DNAH6: variants seen among roughly 807,000 people sequenced by gnomAD.
DNAH6 encodes the protein dynein axonemal heavy chain 6.
DNAH6 carries 340 observed loss-of-function variants against 491.4 expected under a neutral mutation model. The ratio of observed to expected loss-of-function variants is 0.69; its 90% confidence interval spans 0.63 to 0.76. The LOEUF (loss-of-function observed/expected upper bound fraction) is 0.76, where lower values mean the gene tolerates loss of function less well. Among genes scored for constraint, DNAH6 ranks in the 30% least tolerant of loss-of-function variants. The pLI is 0.00. For synonymous variants in DNAH6, 1,603 were observed against 1,686.1 expected (o/e 0.95, Z 1.21); for missense variants, 4,443 against 4,972.2 (o/e 0.89, Z 3.20).
chr2:84,641,969 G>T lies in DNAH6; in HGVS notation c.4993G>T (p.Asp1665Tyr). ...TAGATCTTTAAAAAGAGAAAACCCA[G>T]ACCTAAATGAAGATGTGGTGTTGAT... ...MAGSLKRENPDLNEDVVLIRA... is the reference protein window; with the variant it reads ...MAGSLKRENPYLNEDVVLIRA... The change falls in exon 33 of 77, where the codon GAC becomes TAC. Residue 1665 changes from aspartate (D) to tyrosine (Y), a missense_variant. By Grantham distance (160) the Asp-to-Tyr change is radical. Coordinates refer to ENST00000389394, the MANE Select transcript of DNAH6 (RefSeq NM_001370.2). The T allele has an allele frequency of 6.4e-7, 1 of 1,550,516 alleles. No homozygotes were observed. The highest frequency in any genetic ancestry group is 1.2e-5 in the South Asian group (1 of 83,950).
In DNAH6 at chr2:84,634,626, C is replaced by A; in HGVS notation, c.4638C>A (p.Asn1546Lys). 2 of 1,536,094 alleles carry A rather than the reference C, an allele frequency of 1.3e-6. No individual in the cohort carries two copies. Among genetic ancestry groups the A allele is most frequent in the Non-Finnish European group, 1.8e-6 (2 of 1,141,318 alleles). The change falls in exon 30 of 77, where the codon AAC (asparagine) becomes AAA (lysine). Residue 1546 changes from asparagine to lysine, a missense_variant. Physicochemically the swap from Asn to Lys is moderately conservative, Grantham distance 94. Around this residue, in one of 3 missense-constraint regions of DNAH6, gnomAD observed 2,977 missense variants for 3,296.6 expected, o/e 0.90. Coordinates refer to ENST00000389394, the MANE Select transcript of DNAH6 (RefSeq NM_001370.2). ...CGCAGCAACTCATTACCATTAGGAA[C>A]GCCAAAGCGGCAAAGGTAAGGCACT... ...VIAQQLITIR[N>K]AKAAKLSRFM...
intron 76 of DNAH6, 123 bp downstream of exon 76, chr2:84,816,206 G>T: frequency 1.5e-6 from 1 of 685,774 alleles, no homozygotes; most frequent in South Asian, 2.1e-5. Context: ...TTAAAATGAA[G>T]CCACCTATAA....
At chr2:84,591,079 T>C (rs1318614206) in intron 16 of DNAH6, among the ~76,000 whole-genome samples, 1 of 152,206 alleles carries the variant, frequency 6.6e-6, no homozygotes, top group African/African-American at 2.4e-5. Context: ...CAGGGGAAGA[T>C]TTGAAGTGGC....
chr2:84,606,040 C>T (rs1685727348), intron 20 of DNAH6, among the ~76,000 whole-genome samples: 1 of 152,160 alleles, frequency 6.6e-6, no homozygotes, highest in African/African-American at 2.4e-5. Context: ...GCTAAATTCA[C>T]TTGAGTTTAT....
intron 37 of DNAH6, among the ~76,000 whole-genome samples, chr2:84,662,640 G>T (rs889208696): frequency 1.3e-5 from 2 of 152,208 alleles, no homozygotes; most frequent in Non-Finnish European, 2.9e-5. Flanking sequence ...ACAGCTCAAG[G>T]AGGCCTACCT....
the DNAH6 span, among the ~76,000 whole-genome samples, chr2:84,463,775 T>G: frequency 6.6e-6 from 1 of 152,210 alleles, no homozygotes; most frequent in East Asian, 1.9e-4. Context: ...TGAGTTTCAA[T>G]CTGTTGGAGC....
At chr2:84,485,662 G>C in the DNAH6 span, among the ~76,000 whole-genome samples, 1 of 151,980 alleles carries the variant, frequency 6.6e-6, no homozygotes, top group Non-Finnish European at 1.5e-5. Context: ...CAATATTGGA[G>C]ATTTACACCC....
intron 2 of DNAH6, among the ~76,000 whole-genome samples, chr2:84,519,791 A>T (rs1024936868): frequency 1.3e-5 from 2 of 151,636 alleles, no homozygotes; most frequent in Admixed American, 6.6e-5. Context: ...TCTAACATTG[A>T]TGACATCTAG....
chr2:84,528,265 C>A (rs1423617263), intron 3 of DNAH6, among the ~76,000 whole-genome samples: 2 of 152,140 alleles, frequency 1.3e-5, no homozygotes, highest in African/African-American at 4.8e-5. Context: ...AGGTTCCACC[C>A]TAGCTGTACT....
At chr2:84,581,759 T>C (rs1229415433) in intron 14 of DNAH6, among the ~76,000 whole-genome samples, 1 of 152,154 alleles carries the variant, frequency 6.6e-6, no homozygotes, top group African/African-American at 2.4e-5. Flanking sequence ...TTTTCAAAGA[T>C]AGGAGAGAAT....
chr2:84,683,439 T>TTTTTA (rs1693999270), intron 42 of DNAH6, among the ~76,000 whole-genome samples: 3 of 95,304 alleles, frequency 3.1e-5, no homozygotes, highest in South Asian at 3.9e-4. Context: ...TTTTTTTTTT[T>TTTTTA]GAGATAGAGT....
chr2:84,710,144 C>T (rs929353766), intron 55 of DNAH6, 143 bp from the exon 56 acceptor site: 11 of 1,049,428 alleles, frequency 1.0e-5, no homozygotes, highest in Middle Eastern at 2.3e-4. Context: ...TCTTTATTGT[C>T]GGGGGACAGG....
chr2:84,592,371 A>T (rs1317609381), intron 16 of DNAH6, among the ~76,000 whole-genome samples: 1 of 152,190 alleles, frequency 6.6e-6, no homozygotes, highest in Non-Finnish European at 1.5e-5. Flanking sequence ...TCATCAGGAA[A>T]ATTAAAATCA....
At chr2:84,515,782 C>T (rs1433682120), upstream of DNAH6, among the ~76,000 whole-genome samples, 1 of 152,118 alleles carries the variant, frequency 6.6e-6, no homozygotes, top group Non-Finnish European at 1.5e-5. Context: ...TGGGGTCGCT[C>T]CATACAAAAT....
chr2:84,607,438 A>G (rs948778498), intron 21 of DNAH6, among the ~76,000 whole-genome samples: 3 of 152,120 alleles, frequency 2.0e-5, no homozygotes, highest in Non-Finnish European at 2.9e-5. Context: ...TGAATTAGGA[A>G]CACATGGACA....
At chr2:84,591,936 A>G (rs946239609) in intron 16 of DNAH6, among the ~76,000 whole-genome samples, 4 of 152,204 alleles carry the variant, frequency 2.6e-5, no homozygotes, top group African/African-American at 9.6e-5. Flanking sequence ...CACAAAAATC[A>G]GTTCAAAATG....
chr2:84,762,656 A>C, intron 63 of DNAH6, 99 bp from the exon 64 acceptor site: 2 of 804,300 alleles, frequency 2.5e-6, no homozygotes, highest in East Asian at 5.3e-5. Context: ...AAGTACAAAA[A>C]CACAGGACAC....
intron 21 of DNAH6, among the ~76,000 whole-genome samples, 153 bp from the exon 22 acceptor site, chr2:84,611,519 CTT>C (rs1333764230): frequency 6.6e-6 from 1 of 152,032 alleles, no homozygotes; most frequent in Admixed American, 6.6e-5. Flanking sequence ...AATCTTGGAC[CTT>C]GTAAGGAATT....
chr2:84,709,393 T>G lies in DNAH6; in HGVS notation c.9099T>G (p.Asp3033Glu), dbSNP rs1302744589. Residue 3033 changes from aspartate (D) to glutamate (E), a missense_variant, in exon 55 of 77, where the codon GAT (aspartate) becomes GAG (glutamate). By Grantham distance (45) the Asp-to-Glu change is conservative. Coordinates refer to ENST00000389394, the MANE Select transcript of DNAH6 (RefSeq NM_001370.2). ...QDCQSLEIPI[D>E]PSFSLINILG... ...GTCAGTCTCTGGAGATCCCAATCGA[T>G]CCTTCCTTCAGTCTCATTAACATTC... 6.4e-7 allele frequency: 1 copy of G among 1,551,570 alleles called. No individual in the cohort carries two copies. The highest frequency in any genetic ancestry group is 8.7e-7 in the Non-Finnish European group (1 of 1,147,020).
Sources: allele counts gnomAD v4.1 joint callset (sites outside exome capture counted in the v4.1 genomes callset), GRCh38; gene constraint gnomAD v4.1.1; regional missense constraint gnomAD v4.1.1; transcripts MANE v1.5; gene names NCBI Gene and HGNC (gene_info 2026-07-23, HGNC 2026-07-21).